The following PHF8 variants were observed in gnomAD, a reference collection of about 807,000 sequenced individuals.
PHF8 encodes the protein PHD finger protein 8, also known as histone lysine demethylase PHF8.
A neutral mutation model predicts 74.4 loss-of-function variants in PHF8; 9 were observed. The ratio of observed to expected loss-of-function variants is 0.12; its 90% CI spans 0.07 to 0.21. The LOEUF is 0.21. Ranked by LOEUF, PHF8 falls within the 10% of genes least tolerant of loss-of-function variation. The probability of loss-of-function intolerance (pLI) is 1.00; values close to 1 mark genes in which losing one functional copy is unlikely to be tolerated. For missense variants in PHF8, 478 were observed against 816.6 expected, an observed-to-expected ratio of 0.59 and a Z score of 5.05; for synonymous variants, 311 against 316.6, an observed-to-expected ratio of 0.98 and a Z score of 0.19.
At chrX:53,952,115 T>C (rs1462225862) in intron 19 of PHF8, among the ~76,000 whole-genome samples, 2 of 109,538 alleles carry the variant, frequency 1.8e-5, no homozygotes, top group African/African-American at 6.7e-5. Context: ...GAAACCCGTC[T>C]CTACTAAAAA....
At position 54,042,506 on chromosome X, in the gene PHF8, G is replaced by A. The variant is rs1361776894; in HGVS notation, c.98+125C>T. The stretch of plus-strand genomic sequence containing the variant: ...AGGTCCTGTTCTGCAAGGAGAGATG[G>A]CAGAACCTGAGTCTGGGAGAGGGGG... On this transcript the variant is annotated intron_variant, in intron 2 of 21. Transcript: ENST00000338154. 4 of 575,764 alleles carry A rather than the reference G, an allele frequency of 6.9e-6. No individual in the cohort carries two copies. In the Admixed American group the frequency reaches 1.1e-4, roughly 15 times the overall value. 47.4% of individuals were successfully genotyped at this position (575,764 alleles called of 1,213,427 possible).
intron 18 of PHF8, among the ~76,000 whole-genome samples, chrX:53,966,447 TGGCCTCCA>T (rs1400614618): frequency 8.8e-6 from 1 of 113,018 alleles, no homozygotes; most frequent in Non-Finnish European, 1.9e-5. Flanking sequence ...TTGGCCGGGC[TGGCCTCCA>T]GCTCCTAACC....
chrX:54,008,477 T>C (rs2065930752), intron 8 of PHF8, among the ~76,000 whole-genome samples: 1 of 108,560 alleles, frequency 9.2e-6, no homozygotes, highest in South Asian at 3.9e-4. Context: ...TCACCTGAGG[T>C]TGGGAGTTCG....
At chrX:54,002,043 C>A (rs2065835546) in intron 10 of PHF8, 112 bp downstream of exon 10, 1 of 519,979 alleles carries the variant, frequency 1.9e-6, no homozygotes, top group East Asian at 3.5e-5. Flanking sequence ...ATACTGAGAT[C>A]TTTCTGGTAA....
Position 53,937,880 on chromosome X carries a change from T to A in PHF8, c.*1278A>T. The A allele has an allele frequency of 1.5e-6, 1 of 679,972 alleles. No individual in the cohort carries two copies. Among genetic ancestry groups the A allele is most frequent in the Non-Finnish European group, 2.2e-6 (1 of 445,968 alleles). 56.0% of individuals were successfully genotyped at this position (679,972 alleles called of 1,213,427 possible). On this transcript the variant is annotated 3_prime_UTR_variant, in exon 22 of 22. Coordinates refer to ENST00000338154, the MANE Select transcript of PHF8 (RefSeq NM_015107.3). Reference sequence around the variant, plus strand: ...TTCTCCATCGAGTCCAGATTGCCAGTGAGGCAAGGCGGTGGGAGGTGGGGG... The same window carrying A: ...TTCTCCATCGAGTCCAGATTGCCAGAGAGGCAAGGCGGTGGGAGGTGGGGG...
At chrX:53,957,979 C>A (rs1006343228) in intron 19 of PHF8, among the ~76,000 whole-genome samples, 5 of 111,295 alleles carry the variant, frequency 4.5e-5, no homozygotes, top group Admixed American at 3.8e-4. Context: ...ACAAGCACTG[C>A]GGATGGAAGT....
At position 53,998,159 on chromosome X, in the gene PHF8, GA is replaced by G. The variant is rs2065775504; in HGVS notation, c.1233+1710del. On this transcript the variant is annotated intron_variant, in intron 11 of 21. Transcript: ENST00000338154. Reference sequence around the variant, plus strand: ...AATTAACAGCTAAAGGCTTACATTAGAAAAGAAAGGCAGGCCAGGTGTGGTG... The same window carrying G: ...AATTAACAGCTAAAGGCTTACATTAGAAAGAAAGGCAGGCCAGGTGTGGTG... Among the ~76,000 whole-genome samples the G allele has an allele frequency of 2.7e-5, 3 of 112,259 alleles. No individual in the cohort carries two copies. The South Asian group carries it at 1.1e-3, about 41-fold the overall frequency.
chrX:54,028,387 T>C (rs1278997291), intron 2 of PHF8, among the ~76,000 whole-genome samples: 1 of 111,409 alleles, frequency 9.0e-6, no homozygotes, highest in Non-Finnish European at 1.9e-5. Flanking sequence ...AGTAGGGATG[T>C]GATGTGATTT....
chrX:53,970,881 C>T (rs1226427141), intron 18 of PHF8, among the ~76,000 whole-genome samples: 1 of 111,033 alleles, frequency 9.0e-6, no homozygotes, highest in Admixed American at 9.6e-5. Context: ...ACGTAGACTC[C>T]CACACAAAAA....
intron 19 of PHF8, among the ~76,000 whole-genome samples, chrX:53,954,808 C>G (rs781958623): frequency 2.7e-5 from 3 of 110,903 alleles, no homozygotes; most frequent in African/African-American, 9.8e-5. Flanking sequence ...TTTACTTTCT[C>G]TATCCCAATA....
At chrX:54,013,987 G>A (rs989390616) in intron 7 of PHF8, among the ~76,000 whole-genome samples, 3 of 109,951 alleles carry the variant, frequency 2.7e-5, no homozygotes, top group Middle Eastern at 4.3e-3. Context: ...ATGGAATCTC[G>A]TTCTGTCGCC....
chrX:53,997,192 G>A (rs1444006969), intron 11 of PHF8, among the ~76,000 whole-genome samples: 1 of 111,731 alleles, frequency 9.0e-6, no homozygotes, highest in Admixed American at 9.5e-5. Flanking sequence ...TCTGTGCTGA[G>A]CAGCTGCTGG....
At chrX:53,940,742 G>C (rs2064738785) in intron 20 of PHF8, among the ~76,000 whole-genome samples, 1 of 111,996 alleles carries the variant, frequency 8.9e-6, no homozygotes, top group South Asian at 3.7e-4. Context: ...TCACTTATTA[G>C]TACAGTGCCA....
At chrX:53,940,157 C>A in intron 21 of PHF8, 23 bp downstream of exon 21, 1 of 1,126,206 alleles carries the variant, frequency 8.9e-7, no homozygotes, top group African/African-American at 1.8e-5. Flanking sequence ...TCCTTCGGTT[C>A]TACAACCATA....
At chrX:54,036,052 G>A (rs868984283) in intron 2 of PHF8, among the ~76,000 whole-genome samples, 34 of 104,336 alleles carry the variant, frequency 3.3e-4, no homozygotes, top group Middle Eastern at 9.6e-3. Flanking sequence ...CGGAGGTTGC[G>A]GTGAGCCAAA....
chrX:54,015,286 AAAC>A (rs2066044458), intron 6 of PHF8, among the ~76,000 whole-genome samples: 1 of 111,473 alleles, frequency 9.0e-6, no homozygotes, highest in African/African-American at 3.3e-5. Flanking sequence ...TGCATCTTAA[AAAC>A]AACAGCGCCG....
rs2064690492 is a variant in PHF8 at position 53,937,877 on chromosome X, C to T, written c.*1281G>A. 3 of 662,377 alleles carry T rather than the reference C, an allele frequency of 4.5e-6. No homozygotes were observed. Among genetic ancestry groups the T allele is most frequent in the Non-Finnish European group, 7.0e-6 (3 of 429,534 alleles). 54.6% of individuals were successfully genotyped at this position (662,377 alleles called of 1,213,427 possible). A position where few individuals can be genotyped will look rare whatever the true frequency, so the allele number is the denominator to read the frequency against. Reference sequence around the variant, plus strand: ...ATGTTCTCCATCGAGTCCAGATTGCCAGTGAGGCAAGGCGGTGGGAGGTGG... The same window carrying T: ...ATGTTCTCCATCGAGTCCAGATTGCTAGTGAGGCAAGGCGGTGGGAGGTGG... On this transcript the variant is annotated 3_prime_UTR_variant, in exon 22 of 22. Coordinates refer to ENST00000338154, the MANE Select transcript of PHF8 (RefSeq NM_015107.3).
At chrX:53,953,013 G>A (rs991498482) in intron 19 of PHF8, among the ~76,000 whole-genome samples, 2 of 110,313 alleles carry the variant, frequency 1.8e-5, no homozygotes, top group African/African-American at 6.6e-5. Context: ...GGTGGCTCGC[G>A]CCTGTAATCT....
chrX:53,948,829 G>T (rs1557086006), intron 19 of PHF8, among the ~76,000 whole-genome samples: 1 of 108,636 alleles, frequency 9.2e-6, no homozygotes, highest in African/African-American at 3.3e-5. Flanking sequence ...TTCGAGACCA[G>T]TCTGACCAAC....
Sources: allele counts gnomAD v4.1 joint callset (sites outside exome capture counted in the v4.1 genomes callset), GRCh38; gene constraint gnomAD v4.1.1; transcripts MANE v1.5; gene names NCBI Gene and HGNC (gene_info 2026-07-23, HGNC 2026-07-21).